The following NRG1 variants were observed in gnomAD, a reference collection of about 807,000 sequenced individuals.
NRG1 encodes the protein neuregulin 1, also known as pro-neuregulin-1, membrane-bound isoform.
Under a neutral mutation model 63.8 loss-of-function variants are expected in NRG1, and 18 were observed. That is an observed-to-expected ratio of 0.28 (90% CI 0.19 to 0.42). NRG1 has a LOEUF of 0.42. NRG1 is among the 10% of genes least tolerant of loss of function. NRG1 has a pLI of 1.00. For synonymous variants in NRG1, 302 were observed against 301.3 expected (o/e 1.00, Z -0.02); for missense variants, 762 against 814.7 (o/e 0.94, Z 0.79).
At chr8:32,548,858 T>TCCTC (rs1365173012) in intron 1 of NRG1, 32 bp downstream of exon 1, 3 of 1,532,106 alleles carry the variant, frequency 2.0e-6, no homozygotes, top group Non-Finnish European at 2.6e-6. Flanking sequence ...GGCCCCACGA[T>TCCTC]CCTCCTCCTG....
At chr8:32,481,745 A>T (rs1472674438) in intron 1 of NRG1, among the ~76,000 whole-genome samples, 1 of 152,250 alleles carries the variant, frequency 6.6e-6, no homozygotes, top group Non-Finnish European at 1.5e-5. Context: ...GATAGCATTC[A>T]TAACAGTGTT....
chr8:32,463,086 A>G (rs564496756), intron 1 of NRG1, among the ~76,000 whole-genome samples: 1 of 150,968 alleles, frequency 6.6e-6, no homozygotes, highest in South Asian at 2.1e-4. Flanking sequence ...TGTCTGGCTT[A>G]TAGTTCACTT....
chr8:31,902,932 C>T (rs1832210596), intron 1 of NRG1, among the ~76,000 whole-genome samples: 1 of 152,054 alleles, frequency 6.6e-6, no homozygotes, highest in Non-Finnish European at 1.5e-5. Flanking sequence ...CAGTCCAGGT[C>T]ATAAAAGGGA....
intron 1 of NRG1, among the ~76,000 whole-genome samples, chr8:31,776,440 G>A (rs1270169204): frequency 3.3e-5 from 5 of 152,150 alleles, no homozygotes. Flanking sequence ...TTGAACTTGA[G>A]CAAGTATTAG....
rs985879290 is a variant in NRG1 at position 32,238,938 on chromosome 8, C to T, written c.38-356890C>T. Among the ~76,000 whole-genome samples, 11 of 152,006 alleles carry T rather than the reference C, an allele frequency of 7.2e-5. 1 individual carries two copies. Among genetic ancestry groups the T allele is most frequent in the South Asian group, 4.2e-4 (2 of 4,818 alleles). On this transcript the variant is annotated intron_variant, in intron 1 of 10. Coordinates refer to the NRG1 transcript ENST00000519301. The stretch of plus-strand genomic sequence containing the variant: ...CTTCTTAACAGAGACATACTTTTCA[C>T]GCAGAAACTTGGCAACTGGAGGAGA...
At chr8:32,368,551 T>C (rs1323052640) in intron 1 of NRG1, among the ~76,000 whole-genome samples, 1 of 152,150 alleles carries the variant, frequency 6.6e-6, no homozygotes, top group Non-Finnish European at 1.5e-5. Flanking sequence ...GTCCTCATCT[T>C]TAAAAACAAA....
chr8:31,751,811 A>G (rs1266937278), intron 1 of NRG1, among the ~76,000 whole-genome samples: 1 of 151,882 alleles, frequency 6.6e-6, no homozygotes, highest in Non-Finnish European at 1.5e-5. Context: ...GAGGAAGAGA[A>G]AGATGTTTAA....
chr8:31,852,068 T>TA (rs1563482218), intron 1 of NRG1, among the ~76,000 whole-genome samples: 4 of 151,090 alleles, frequency 2.6e-5, no homozygotes, highest in South Asian at 4.2e-4. Flanking sequence ...GCAATAAACA[T>TA]ACGTGTGCAT....
intron 1 of NRG1, among the ~76,000 whole-genome samples, chr8:32,364,436 C>G (rs1417937329): frequency 6.6e-6 from 1 of 152,050 alleles, no homozygotes; most frequent in African/African-American, 2.4e-5. Context: ...CTTCTGCATC[C>G]TGCCTTTTTT....
At chr8:32,740,856 A>T (rs902891306) in intron 6 of NRG1, among the ~76,000 whole-genome samples, 1 of 152,188 alleles carries the variant, frequency 6.6e-6, no homozygotes, top group Non-Finnish European at 1.5e-5. Flanking sequence ...ATTCTTATTT[A>T]CTCTGTAGTG....
intron 1 of NRG1, among the ~76,000 whole-genome samples, chr8:32,430,354 G>C (rs1281630505): frequency 6.6e-6 from 1 of 152,134 alleles, no homozygotes; most frequent in African/African-American, 2.4e-5. Flanking sequence ...AGAGAAATCT[G>C]GTACCATATT....
At chr8:32,671,617 C>T (rs1171517300) in intron 5 of NRG1, among the ~76,000 whole-genome samples, 2 of 152,250 alleles carry the variant, frequency 1.3e-5, no homozygotes, top group South Asian at 2.1e-4. Flanking sequence ...CAATTTCTTC[C>T]ACCTTTTTCT....
chr8:31,857,331 C>T (rs1012968761), intron 1 of NRG1, among the ~76,000 whole-genome samples: 1 of 152,148 alleles, frequency 6.6e-6, no homozygotes, highest in African/African-American at 2.4e-5. Context: ...GTTTTTTAAG[C>T]CGGTTGGAAA....
At chr8:32,065,755 C>T (rs4587287) in intron 1 of NRG1, among the ~76,000 whole-genome samples, 148,586 of 152,208 alleles carry the variant, frequency 0.98, 72,625 homozygotes, top group East Asian at 1. Flanking sequence ...CCTGAGGAAT[C>T]GCCACCCTGA....
chr8:32,590,314 C>A (rs908172705), intron 1 of NRG1, among the ~76,000 whole-genome samples: 3 of 152,150 alleles, frequency 2.0e-5, no homozygotes, highest in African/African-American at 7.2e-5. Flanking sequence ...TTAAAACTTG[C>A]TCTGTTATTA....
chr8:32,215,717 T>G (rs1845149533), intron 1 of NRG1, among the ~76,000 whole-genome samples: 1 of 152,176 alleles, frequency 6.6e-6, no homozygotes, highest in Non-Finnish European at 1.5e-5. Context: ...TGACTTTGTT[T>G]AAATAACCAT....
intron 1 of NRG1, among the ~76,000 whole-genome samples, chr8:32,439,469 G>T (rs988305703): frequency 3.3e-5 from 5 of 152,062 alleles, no homozygotes; most frequent in Non-Finnish European, 5.9e-5. Flanking sequence ...AATTTCTCTA[G>T]TGAAACCTGA....
intron 1 of NRG1, among the ~76,000 whole-genome samples, chr8:32,203,285 A>G (rs1385162288): frequency 6.6e-6 from 1 of 150,392 alleles, no homozygotes; most frequent in Non-Finnish European, 1.5e-5. Context: ...AGAAAGGAAG[A>G]GAGAAAGGAA....
chr8:32,263,510 TA>T (rs902249376), intron 1 of NRG1, among the ~76,000 whole-genome samples: 4 of 152,188 alleles, frequency 2.6e-5, no homozygotes, highest in African/African-American at 9.6e-5. Flanking sequence ...CACTTTTTGT[TA>T]TCTCTTTTCC....
Sources: allele counts gnomAD v4.1 joint callset (sites outside exome capture counted in the v4.1 genomes callset), GRCh38; gene constraint gnomAD v4.1.1; transcripts MANE v1.5; gene names NCBI Gene and HGNC (gene_info 2026-07-23, HGNC 2026-07-21).